AJAP1: variants seen among roughly 807,000 people sequenced by gnomAD.
The protein encoded by AJAP1 is adherens junctions associated protein 1, also known as adherens junction-associated protein 1.
In AJAP1, 5 loss-of-function variants were observed where a neutral mutation model predicts 35.0. The ratio of observed to expected loss-of-function variants is 0.14; its 90% CI spans 0.07 to 0.30. The LOEUF (loss-of-function observed/expected upper bound fraction) is 0.30, where lower values mean the gene tolerates loss of function less well. Among genes scored for constraint, AJAP1 ranks in the 10% least tolerant of loss-of-function variants. The pLI is 1.00. For synonymous variants in AJAP1, 284 were observed against 249.3 expected, an observed-to-expected ratio of 1.14 and a Z score of -1.31; for missense variants, 586 against 571.0, an observed-to-expected ratio of 1.03 and a Z score of -0.27.
At chr1:4,698,187 T>C (rs1280031866) in intron 1 of AJAP1, among the ~76,000 whole-genome samples, 1 of 152,140 alleles carries the variant, frequency 6.6e-6, no homozygotes, top group Admixed American at 6.5e-5. Context: ...CCCGTCACTA[T>C]GTTCTTTGCT....
At chr1:4,689,902 C>T (rs1423561146) in intron 1 of AJAP1, among the ~76,000 whole-genome samples, 1 of 151,910 alleles carries the variant, frequency 6.6e-6, no homozygotes, top group Admixed American at 6.5e-5. Flanking sequence ...GAGGCTGGTT[C>T]TCTTGCTTTC....
rs1641897653 is a variant in AJAP1, at chr1:4,774,220, C to T, written c.1164-207C>T. 2.0e-5 allele frequency among the ~76,000 whole-genome samples: 3 copies of T among 152,344 alleles called. No homozygotes were observed. In the South Asian group the frequency reaches 6.2e-4, roughly 32 times the overall value. On this transcript the variant is annotated intron_variant, in intron 4 of 5. Transcript: ENST00000378191. ...TCCCTCAGTCTGTGTCTTCCAAAGC[C>T]TCCCAGGGTAGAAAGCATTCGTGTG...
chr1:4,724,189 T>G (rs1247150772), intron 2 of AJAP1, among the ~76,000 whole-genome samples: 1 of 152,114 alleles, frequency 6.6e-6, no homozygotes, highest in Non-Finnish European at 1.5e-5. Context: ...CGCGGGCACC[T>G]GCGAATGCCA....
At chr1:4,662,384 G>A (rs189433612) in intron 1 of AJAP1, among the ~76,000 whole-genome samples, 4 of 152,174 alleles carry the variant, frequency 2.6e-5, no homozygotes, top group Non-Finnish European at 5.9e-5. Flanking sequence ...GTCATGTTCT[G>A]AGGTGTGTCT....
At chr1:4,683,059 C>T (rs1385925490) in intron 1 of AJAP1, among the ~76,000 whole-genome samples, 10 of 152,326 alleles carry the variant, frequency 6.6e-5, no homozygotes, top group Non-Finnish European at 8.8e-5. Flanking sequence ...GTGCCCTGCT[C>T]GCCAGAGATC....
rs76310137 is a variant in AJAP1 at position 4,708,723 on chromosome 1, C to T, written c.30-3177C>T. Among the ~76,000 whole-genome samples, 403 of 152,314 alleles carry T rather than the reference C, an allele frequency of 2.6e-3. 1 individual carries two copies. The highest frequency in any genetic ancestry group is 0.01 in the Middle Eastern group (3 of 294). ...GTCCGGGCAGCACACCAAGCTCAGC[C>T]GTCTTGGTGGCAATGCAGAGCCTGG... On this transcript the variant is annotated intron_variant, in intron 1 of 5. Transcript: ENST00000378191.
At chr1:4,770,349 T>C (rs410414) in intron 3 of AJAP1, among the ~76,000 whole-genome samples, 112,572 of 151,742 alleles carry the variant, frequency 0.74, 42,187 homozygotes, top group Middle Eastern at 0.79. Context: ...TCAGGCTTGG[T>C]GGCCGGTTGC....
At chr1:4,747,565 A>G (rs1225745504) in intron 2 of AJAP1, among the ~76,000 whole-genome samples, 23 of 152,162 alleles carry the variant, frequency 1.5e-4, no homozygotes, top group Admixed American at 1.4e-3. Context: ...CTTGGGCCCC[A>G]TTCTACCTGA....
chr1:4,717,442 C>A (rs1375527663), intron 2 of AJAP1, among the ~76,000 whole-genome samples: 2 of 152,182 alleles, frequency 1.3e-5, no homozygotes, highest in Non-Finnish European at 2.9e-5. Context: ...TCTAGGTTCC[C>A]ATCATCATTC....
intron 2 of AJAP1, among the ~76,000 whole-genome samples, chr1:4,746,359 C>A (rs1394079032): frequency 2.0e-5 from 3 of 152,182 alleles, no homozygotes; most frequent in African/African-American, 7.2e-5. Context: ...TCTGCACAAC[C>A]CTGTCTCCAA....
chr1:4,736,374 C>A (rs1489321241), intron 2 of AJAP1, among the ~76,000 whole-genome samples: 1 of 152,212 alleles, frequency 6.6e-6, no homozygotes, highest in African/African-American at 2.4e-5. Flanking sequence ...CGCAGCCCTC[C>A]CTTTCCCACG....
chr1:4,731,515 G>A (rs1640794372), intron 2 of AJAP1, among the ~76,000 whole-genome samples: 2 of 152,240 alleles, frequency 1.3e-5, no homozygotes, highest in Admixed American at 1.3e-4. Flanking sequence ...TCAGAAAGGT[G>A]TGAACATTTT....
chr1:4,690,662 G>A (rs979034457), intron 1 of AJAP1, among the ~76,000 whole-genome samples: 10 of 152,108 alleles, frequency 6.6e-5, no homozygotes, highest in Admixed American at 4.6e-4. Flanking sequence ...CACCAATCCC[G>A]GAGACAGGCA....
intron 5 of AJAP1, among the ~76,000 whole-genome samples, chr1:4,779,402 C>T (rs1045956714): frequency 6.6e-6 from 1 of 150,648 alleles, no homozygotes; most frequent in Non-Finnish European, 1.5e-5. Flanking sequence ...GTGGCTCGAT[C>T]TCAGCTCGCT....
In AJAP1 at chr1:4,712,640, C is replaced by T. The variant is rs554115630; in HGVS notation, c.770C>T (p.Thr257Ile). Residue 257 changes from threonine (T) to isoleucine (I), a missense_variant, in exon 2 of 6, where the codon ACC becomes ATC. Physicochemically the swap from Thr to Ile is moderately conservative, Grantham distance 89. Transcript: ENST00000378191. ...GGGGTTAGCACAACGGAGCCTTCCACCAGTCCCAGCAACAACGGGGAAGTC... is the reference window on the plus strand; with the variant it reads ...GGGGTTAGCACAACGGAGCCTTCCATCAGTCCCAGCAACAACGGGGAAGTC... ...PGGVSTTEPS[T>I]SPSNNGEVTQ... 1.4e-4 allele frequency: 217 copies of T among 1,557,106 alleles called. 2 individuals carry two copies. In the South Asian group the frequency reaches 2.4e-3, roughly 17 times the overall value.
At chr1:4,665,547 C>A (rs1458822061) in intron 1 of AJAP1, among the ~76,000 whole-genome samples, 1 of 152,214 alleles carries the variant, frequency 6.6e-6, no homozygotes, top group Non-Finnish European at 1.5e-5. Context: ...CCAACAGCAT[C>A]TGTTTCTCAG....
At chr1:4,674,435 A>C (rs1452554329) in intron 1 of AJAP1, among the ~76,000 whole-genome samples, 1 of 152,238 alleles carries the variant, frequency 6.6e-6, no homozygotes, top group Non-Finnish European at 1.5e-5. Flanking sequence ...TCATAAGGAC[A>C]GAGTTGAGTG....
chr1:4,655,960 C>T lies in AJAP1; in HGVS notation c.29+506C>T, dbSNP rs1638872283. On this transcript the variant is annotated intron_variant, in intron 1 of 5. Coordinates refer to ENST00000378191, the MANE Select transcript of AJAP1 (RefSeq NM_018836.4). This position sits in a 1 kb window ranked among gnomAD's most constrained non-coding sequence, Gnocchi z 6.9. ...TCCCCCTTCTCCTTTCTCGGGGCCC[C>T]GGGGCTGAGCAGGGGCCTCCCAGGC... Among the ~76,000 whole-genome samples, 1 of 152,024 alleles carries T rather than the reference C, an allele frequency of 6.6e-6. No individual in the cohort carries two copies. Among genetic ancestry groups the T allele is most frequent in the South Asian group, 2.1e-4 (1 of 4,820 alleles).
chr1:4,736,751 G>T (rs1214663570), intron 2 of AJAP1, among the ~76,000 whole-genome samples: 1 of 152,164 alleles, frequency 6.6e-6, no homozygotes, highest in Admixed American at 6.5e-5. Context: ...TAAAGAAAAG[G>T]CCTTGTAGCT....
Sources: gnomAD v4.1 joint callset for allele counts (sites outside exome capture counted in the v4.1 genomes callset) on GRCh38, gnomAD v4.1.1 for gene constraint, Gnocchi (gnomAD v3.1) non-coding constraint, MANE v1.5 for transcripts, NCBI Gene and HGNC (gene_info 2026-07-23, HGNC 2026-07-21) for gene names.